The following CYP4F8 variants were observed in gnomAD, a reference collection of about 807,000 sequenced individuals.
The protein encoded by CYP4F8 is cytochrome P450 4F8.
A neutral mutation model predicts 55.0 loss-of-function variants in CYP4F8; 56 were observed. The ratio of observed to expected loss-of-function variants is 1.02; its 90% CI spans 0.82 to 1.27. CYP4F8 has a LOEUF of 1.27. Ranked by LOEUF, CYP4F8 falls within the 50% of genes most tolerant of loss-of-function variation. The pLI, the probability that CYP4F8 is intolerant of heterozygous loss-of-function variation, is 0.00. For synonymous variants in CYP4F8, 288 were observed against 267.3 expected (o/e 1.08, Z -0.76); for missense variants, 680 against 682.4 (o/e 1.00, Z 0.04).
chr19:15,624,212 A>G (rs912350836), intron 9 of CYP4F8, 118 bp downstream of exon 9: 37 of 1,492,630 alleles, frequency 2.5e-5, no homozygotes, highest in Middle Eastern at 2.2e-4. Flanking sequence ...ATTGTTGCCT[A>G]GTGGGAATAG....
chr19:15,627,529 A>G (rs114179928), intron 9 of CYP4F8: 1 of 152,010 alleles, frequency 6.6e-6, no homozygotes, highest in Non-Finnish European at 1.5e-5. Context: ...TCCTTCAATT[A>G]GAATAAGATT....
rs1387531407 is a variant in CYP4F8, at chr19:15,629,467, G to A, written c.*109G>A. ...GTTGGCCCCTGTGCCTCAGTCCCGC[G>A]GATGGCCAGTAGGGGGCGCTGGAGG... On this transcript the variant is annotated 3_prime_UTR_variant, in exon 13 of 13. Transcript: ENST00000612078. The A allele has an allele frequency of 1.9e-5, 26 of 1,394,702 alleles. No homozygotes were observed. Among genetic ancestry groups the A allele is most frequent in the Non-Finnish European group, 2.1e-5 (22 of 1,061,740 alleles). The allele number at this position is 1,394,702 out of a possible 1,614,324, so 86.4% of individuals were successfully genotyped here.
At chr19:15,615,381 C>T (rs1972101995) in intron 1 of CYP4F8, 101 bp downstream of exon 1, 2 of 443,460 alleles carry the variant, frequency 4.5e-6, no homozygotes, top group Non-Finnish European at 7.9e-6. Flanking sequence ...TGCAGGTAAC[C>T]AGAGGTCAAG....
intron 9 of CYP4F8, among the ~76,000 whole-genome samples, chr19:15,624,528 A>G (rs745898362): frequency 1.3e-5 from 2 of 152,220 alleles, no homozygotes; most frequent in Non-Finnish European, 2.9e-5. Context: ...TATAAAAGAC[A>G]TGATGTGTTG....
chr19:15,623,630 C>A, intron 7 of CYP4F8, 69 bp from the exon 8 acceptor site: 1 of 1,566,108 alleles, frequency 6.4e-7, no homozygotes, highest in South Asian at 1.1e-5. Context: ...GATAATGGGT[C>A]TTCAGAGACT....
At chr19:15,628,249 G>A in intron 9 of CYP4F8, 53 bp from the exon 10 acceptor site, 1 of 1,611,234 alleles carries the variant, frequency 6.2e-7, no homozygotes, top group South Asian at 1.1e-5. Context: ...GGTCTCCAGG[G>A]GCAGCAGGAG....
At chr19:15,616,042 GCACTCACTCATTCCTCTCCT>G (rs1972114450) in intron 2 of CYP4F8, among the ~76,000 whole-genome samples, 1 of 74,950 alleles carries the variant, frequency 1.3e-5, no homozygotes, top group Non-Finnish European at 2.6e-5. Context: ...ATTCCTCTGC[GCACTCACTCATTCCTCTCCT>G]CACTCACTCA....
intron 2 of CYP4F8, among the ~76,000 whole-genome samples, chr19:15,616,493 T>G (rs1030313836): frequency 3.9e-5 from 6 of 152,202 alleles, no homozygotes; most frequent in Admixed American, 2.6e-4. Flanking sequence ...ATTTCCACAT[T>G]ATCCACTGCT....
chr19:15,618,120 G>A lies in CYP4F8; in HGVS notation c.319G>A (p.Val107Ile), dbSNP rs146385529. Residue 107 changes from valine to isoleucine, a missense_variant, in exon 3 of 13, where the codon GTC becomes ATC. Val to Ile is a conservative substitution (Grantham distance 29). Coordinates refer to ENST00000612078, the MANE Select transcript of CYP4F8 (RefSeq NM_007253.4). ...PIINLCHPDI[V>I]RSVINTSDAI... ...CATCAACTTGTGCCACCCTGACATCGTCCGATCTGTCATCAATACCTCAGG... is the reference window on the plus strand; with the variant it reads ...CATCAACTTGTGCCACCCTGACATCATCCGATCTGTCATCAATACCTCAGG... 2.5e-3 allele frequency: 4,076 copies of A among 1,614,002 alleles called. 52 individuals are homozygous for A. The highest frequency in any genetic ancestry group is 1.3e-3 in the Admixed American group (76 of 60,022).
chr19:15,629,135 G>T, intron 12 of CYP4F8, 58 bp from the exon 13 acceptor site: 3 of 1,513,852 alleles, frequency 2.0e-6, no homozygotes, highest in South Asian at 1.3e-5. Flanking sequence ...GGTTCCTGGC[G>T]CAGTGGGGCC....
intron 5 of CYP4F8, 48 bp downstream of exon 5, chr19:15,619,810 G>T: frequency 6.2e-7 from 1 of 1,601,692 alleles, no homozygotes. Flanking sequence ...GGGGTGGAGG[G>T]ATCACATACA....
intron 5 of CYP4F8, 109 bp from the exon 6 acceptor site, chr19:15,622,110 C>G (rs541396023): frequency 7.0e-7 from 1 of 1,425,662 alleles, no homozygotes; most frequent in East Asian, 2.5e-5. Context: ...GGGTCTGGGA[C>G]AGAAAACCAG....
At position 15,623,721 on chromosome 19, in the gene CYP4F8, C is replaced by T. The variant is rs778333668; in HGVS notation, c.941C>T (p.Ser314Leu). The T allele has an allele frequency of 1.9e-6, 3 of 1,614,102 alleles. No individual in the cohort carries two copies. Among genetic ancestry groups the T allele is most frequent in the Non-Finnish European group, 2.5e-6 (3 of 1,180,012 alleles). Reference protein sequence around the residue: ...LSEDKNGKELSDEDIRAEADT... With the variant: ...LSEDKNGKELLDEDIRAEADT... ...CAGGATAAAAATGGTAAAGAGTTGT[C>T]AGATGAGGACATAAGAGCAGAAGCT... The change falls in exon 8 of 13, where the codon TCA becomes TTA. Residue 314 changes from serine to leucine, a missense_variant. Ser to Leu is a moderately radical substitution (Grantham distance 145, BLOSUM62 -2). Coordinates refer to ENST00000612078, the MANE Select transcript of CYP4F8 (RefSeq NM_007253.4).
rs1423757263 is a variant in CYP4F8 at position 15,625,789 on chromosome 19, G to A, written c.1115+1695G>A. On this transcript the variant is annotated intron_variant, in intron 9 of 12. Coordinates refer to ENST00000612078, the MANE Select transcript of CYP4F8 (RefSeq NM_007253.4). The stretch of plus-strand genomic sequence containing the variant: ...GCTCTTCAATTCATGGCAAATTCTC[G>A]TCATTTTTCTATACAATACGTATTT... Among the ~76,000 whole-genome samples, 3 of 152,150 alleles carry A rather than the reference G, an allele frequency of 2.0e-5. No individual in the cohort carries two copies. In the East Asian group the frequency reaches 5.8e-4, roughly 29 times the overall value.
rs760746296 is a variant in CYP4F8 at position 15,623,296 on chromosome 19, G to A, written c.839G>A (p.Ser280Asn). 1 of 1,613,990 alleles carries A rather than the reference G, an allele frequency of 6.2e-7. No homozygotes were observed. Among genetic ancestry groups the A allele is most frequent in the Non-Finnish European group, 8.5e-7 (1 of 1,180,016 alleles). The change falls in exon 7 of 13, where the codon AGC (serine) becomes AAC (asparagine). Residue 280 changes from serine to asparagine, a missense_variant. Ser to Asn is a conservative substitution (Grantham distance 46). Coordinates refer to ENST00000612078, the MANE Select transcript of CYP4F8 (RefSeq NM_007253.4). Reference protein sequence around the residue: ...VIQERRRTLTSQGVDDFLQAK... With the variant: ...VIQERRRTLTNQGVDDFLQAK... ...CAGGAGCGGCGCCGCACCCTCACTA[G>A]CCAGGGTGTTGATGACTTCCTCCAA... is the stretch of plus-strand genomic sequence containing the variant.
At chr19:15,626,987 G>A (rs1467406763) in intron 9 of CYP4F8, among the ~76,000 whole-genome samples, 2 of 152,126 alleles carry the variant, frequency 1.3e-5, no homozygotes, top group African/African-American at 2.4e-5. Flanking sequence ...CCTTCCTTTA[G>A]CAGATGTTAA....
At chr19:15,622,118 C>G (rs1444916613) in intron 5 of CYP4F8, 101 bp from the exon 6 acceptor site, 1 of 1,454,206 alleles carries the variant, frequency 6.9e-7, no homozygotes, top group Non-Finnish European at 9.1e-7. Flanking sequence ...GACAGAAAAC[C>G]AGGAGCATGC....
intron 5 of CYP4F8, 29 bp downstream of exon 5, chr19:15,619,791 T>G: frequency 1.2e-6 from 2 of 1,611,352 alleles, no homozygotes; most frequent in Non-Finnish European, 1.7e-6. Context: ...GCATCCCAGC[T>G]GCAGCCTTGG....
intron 2 of CYP4F8, among the ~76,000 whole-genome samples, chr19:15,617,116 A>G (rs899290322): frequency 5.9e-5 from 9 of 152,144 alleles, no homozygotes; most frequent in African/African-American, 2.2e-4. Context: ...CCCTGGGGAC[A>G]TGTCCTGAGG....
Sources: allele counts gnomAD v4.1 joint callset (sites outside exome capture counted in the v4.1 genomes callset), GRCh38; gene constraint gnomAD v4.1.1; transcripts MANE v1.5; gene names NCBI Gene and HGNC (gene_info 2026-07-23, HGNC 2026-07-21).